Variants in TUSC3 observed in about 807,000 individuals in gnomAD.
TUSC3 encodes dolichyl-diphosphooligosaccharide--protein glycosyltransferase subunit TUSC3.
In TUSC3, 45 loss-of-function variants were observed where a neutral mutation model predicts 44.8. The observed-to-expected ratio is 1.00, with a 90% CI of 0.79 to 1.29. The LOEUF is 1.29. Ranked by LOEUF, TUSC3 falls within the 50% of genes most tolerant of loss-of-function variation. The pLI is 0.00. For synonymous variants in TUSC3, 212 were observed against 152.9 expected, an observed-to-expected ratio of 1.39 and a Z score of -2.85; for missense variants, 519 against 437.9, an observed-to-expected ratio of 1.19 and a Z score of -1.65.
chr8:15,469,636 T>A (rs1800458769), intron 1 of TUSC3, among the ~76,000 whole-genome samples: 1 of 152,212 alleles, frequency 6.6e-6, no homozygotes, highest in Non-Finnish European at 1.5e-5. Context: ...TCAACAGTTA[T>A]GCTCCTTGGT....
At chr8:15,667,187 A>G (rs935899847) in intron 5 of TUSC3, among the ~76,000 whole-genome samples, 14 of 151,748 alleles carry the variant, frequency 9.2e-5, no homozygotes, top group African/African-American at 3.1e-4. Flanking sequence ...TCCTCAATGC[A>G]TAATTTCCTT....
intron 1 of TUSC3, among the ~76,000 whole-genome samples, chr8:15,596,453 A>T (rs867640046): frequency 6.6e-6 from 1 of 152,100 alleles, no homozygotes; most frequent in Admixed American, 6.6e-5. Context: ...CAGAGTGCCA[A>T]CTTTTCTTAT....
chr8:15,836,422 A>C, the TUSC3 span, among the ~76,000 whole-genome samples: 2 of 151,112 alleles, frequency 1.3e-5, no homozygotes, highest in East Asian at 3.9e-4. Context: ...GGTTGCAGTG[A>C]GCTGGGATCA....
the TUSC3 span, among the ~76,000 whole-genome samples, chr8:15,850,672 T>G: frequency 3.3e-5 from 5 of 152,072 alleles, no homozygotes; most frequent in African/African-American, 1.2e-4. Flanking sequence ...AAGAATAAAA[T>G]GAAACAATTT....
At chr8:15,837,456 TTTTC>T in the TUSC3 span, among the ~76,000 whole-genome samples, 17 of 152,156 alleles carry the variant, frequency 1.1e-4, no homozygotes, top group Admixed American at 1.1e-3. Flanking sequence ...GTATCTATCA[TTTTC>T]TTTTATTCTT....
intron 2 of TUSC3, among the ~76,000 whole-genome samples, chr8:15,496,070 G>C (rs1038585232): frequency 6.6e-6 from 1 of 152,086 alleles, no homozygotes; most frequent in African/African-American, 2.4e-5. Context: ...CTGTCTAATA[G>C]ACTCAACTTT....
the TUSC3 span, among the ~76,000 whole-genome samples, chr8:15,799,330 A>C: frequency 6.6e-6 from 1 of 152,126 alleles, no homozygotes; most frequent in African/African-American, 2.4e-5. Flanking sequence ...TCCTCCTTTC[A>C]CACTCAGTAT....
chr8:15,515,464 C>A (rs181207683), intron 2 of TUSC3, among the ~76,000 whole-genome samples: 2 of 152,196 alleles, frequency 1.3e-5, no homozygotes, highest in Admixed American at 1.3e-4. Context: ...TATGAACAGT[C>A]ATTCAGCATC....
the TUSC3 span, among the ~76,000 whole-genome samples, chr8:15,805,748 A>G: frequency 2.0e-5 from 3 of 152,008 alleles, no homozygotes; most frequent in African/African-American, 7.2e-5. Flanking sequence ...ATCTATTTTC[A>G]TCATAGATAT....
chr8:15,734,442 A>G (rs891104419), intron 7 of TUSC3, among the ~76,000 whole-genome samples: 22 of 152,180 alleles, frequency 1.4e-4, no homozygotes, highest in Admixed American at 5.9e-4. Context: ...AGAGAAAACT[A>G]TATGAAAAAA....
chr8:15,619,056 T>C (rs545717419), intron 1 of TUSC3, among the ~76,000 whole-genome samples: 4 of 152,320 alleles, frequency 2.6e-5, no homozygotes, highest in Admixed American at 2.0e-4. Flanking sequence ...TGCTGTGTTT[T>C]GGAAGAAATT....
intron 1 of TUSC3, among the ~76,000 whole-genome samples, chr8:15,460,646 G>A (rs115080748): frequency 0.017 from 2,551 of 152,246 alleles, 73 homozygotes; most frequent in African/African-American, 0.058. Flanking sequence ...ATTTTCTAGA[G>A]TTGTTATAGC....
the TUSC3 span, among the ~76,000 whole-genome samples, chr8:15,836,666 T>G: frequency 6.6e-6 from 1 of 152,152 alleles, no homozygotes; most frequent in African/African-American, 2.4e-5. Flanking sequence ...TATATTAATC[T>G]ATCTATCTTC....
At chr8:15,488,268 A>C (rs1318072426) in intron 2 of TUSC3, among the ~76,000 whole-genome samples, 6 of 151,700 alleles carry the variant, frequency 4.0e-5, no homozygotes, top group African/African-American at 1.5e-4. Flanking sequence ...CAATTTGGGA[A>C]TCCAAATTGC....
chr8:15,700,406 G>C (rs1217066214), intron 6 of TUSC3, among the ~76,000 whole-genome samples: 2 of 152,102 alleles, frequency 1.3e-5, no homozygotes, highest in African/African-American at 4.8e-5. Context: ...TATGAGACTA[G>C]CTATAATCAT....
chr8:15,484,850 A>G (rs2129125060), intron 2 of TUSC3, among the ~76,000 whole-genome samples: 1 of 152,360 alleles, frequency 6.6e-6, no homozygotes, highest in East Asian at 1.9e-4. Flanking sequence ...ATATAGAGAA[A>G]TGGAAAACTT....
At chr8:15,669,314 A>T (rs1286864324) in intron 5 of TUSC3, among the ~76,000 whole-genome samples, 3 of 151,796 alleles carry the variant, frequency 2.0e-5, no homozygotes, top group Non-Finnish European at 4.4e-5. Context: ...TAACTCTTCT[A>T]AACAATTGAG....
the TUSC3 span, among the ~76,000 whole-genome samples, chr8:15,819,726 T>G: frequency 1.3e-5 from 2 of 152,202 alleles, no homozygotes; most frequent in Admixed American, 1.3e-4. Context: ...TTACAATATC[T>G]CTTGTAGAAA....
chr8:15,610,841 T>C (rs532335142), intron 1 of TUSC3, among the ~76,000 whole-genome samples: 1 of 152,194 alleles, frequency 6.6e-6, no homozygotes, highest in South Asian at 2.1e-4. Flanking sequence ...CTCTCCGGGG[T>C]ACAAAGATGG....
Sources: allele counts gnomAD v4.1 joint callset (sites outside exome capture counted in the v4.1 genomes callset), GRCh38; gene constraint gnomAD v4.1.1; transcripts MANE v1.5; gene names NCBI Gene and HGNC (gene_info 2026-07-23, HGNC 2026-07-21).